RALGAPA1: variants seen among roughly 807,000 people sequenced by gnomAD.
The protein encoded by RALGAPA1 is Ral GTPase activating protein catalytic subunit alpha 1, also known as ral GTPase-activating protein subunit alpha-1.
In RALGAPA1, 52 loss-of-function variants were observed where a neutral mutation model predicts 269.6. That is an observed-to-expected ratio of 0.19 (90% confidence interval 0.15 to 0.24). RALGAPA1 has a LOEUF of 0.24. Among genes scored for constraint, RALGAPA1 ranks in the 10% least tolerant of loss-of-function variants. The pLI is 1.00. For missense variants in RALGAPA1, 1,917 were observed against 3,013.9 expected (o/e 0.64, Z 8.52); for synonymous variants, 817 against 1,008.3 (o/e 0.81, Z 3.60).
intron 39 of RALGAPA1, among the ~76,000 whole-genome samples, chr14:35,556,600 A>T (rs560654049): frequency 1.3e-5 from 2 of 152,150 alleles, no homozygotes; most frequent in Non-Finnish European, 2.9e-5. Flanking sequence ...TATATTCATG[A>T]AATTCTTTAG....
Position 35,655,023 on chromosome 14 carries a change from C to T in RALGAPA1, c.5497-546G>A, listed in dbSNP as rs868766462. On this transcript the variant is annotated intron_variant, in intron 29 of 41. Transcript: ENST00000680220. ...CTGAATCAGCAGTTTATATTATACACGCAGTTTATATTATATACCCATTTA... is the reference window on the plus strand; with the variant it reads ...CTGAATCAGCAGTTTATATTATACATGCAGTTTATATTATATACCCATTTA... Among the ~76,000 whole-genome samples, 8 of 152,088 alleles carry T rather than the reference C, an allele frequency of 5.3e-5. No homozygotes were observed. In the South Asian group the frequency reaches 1.2e-3, roughly 24 times the overall value.
intron 31 of RALGAPA1, among the ~76,000 whole-genome samples, chr14:35,648,645 T>C (rs1283426453): frequency 6.9e-6 from 1 of 144,192 alleles, no homozygotes; most frequent in Non-Finnish European, 1.5e-5. Flanking sequence ...CTACTAAAAA[T>C]ACAATAATTA....
At chr14:35,763,018 T>C (rs2073856746) in intron 4 of RALGAPA1, among the ~76,000 whole-genome samples, 2 of 152,276 alleles carry the variant, frequency 1.3e-5, no homozygotes, top group South Asian at 2.1e-4. Flanking sequence ...CAACAATCTA[T>C]TATAAATCTC....
At chr14:35,697,550 G>A (rs1010763337) in intron 17 of RALGAPA1, among the ~76,000 whole-genome samples, 2 of 151,838 alleles carry the variant, frequency 1.3e-5, no homozygotes, top group African/African-American at 2.4e-5. Flanking sequence ...GTTTCATCGC[G>A]TTAGCCAGGA....
At chr14:35,718,641 C>A (rs1276581845) in intron 16 of RALGAPA1, among the ~76,000 whole-genome samples, 2 of 151,504 alleles carry the variant, frequency 1.3e-5, no homozygotes, top group Non-Finnish European at 2.9e-5. Flanking sequence ...CATGGTGAAA[C>A]TCCGTGTCCA....
intron 13 of RALGAPA1, among the ~76,000 whole-genome samples, chr14:35,726,600 C>T (rs533261965): frequency 8.9e-4 from 136 of 152,138 alleles, no homozygotes; most frequent in African/African-American, 3.1e-3. Flanking sequence ...ACAGCCTGGG[C>T]AACAAGGCGA....
intron 35 of RALGAPA1, among the ~76,000 whole-genome samples, chr14:35,606,951 C>A (rs2059634741): frequency 6.6e-6 from 1 of 152,086 alleles, no homozygotes; most frequent in African/African-American, 2.4e-5. Flanking sequence ...AGCACATAGG[C>A]AAACTTTCAG....
At chr14:35,669,244 G>T (rs948506389) in intron 26 of RALGAPA1, among the ~76,000 whole-genome samples, 1 of 151,742 alleles carries the variant, frequency 6.6e-6, no homozygotes, top group East Asian at 1.9e-4. Context: ...AATCCTATAC[G>T]GCAGGTTATC....
At chr14:35,574,461 T>C (rs1246958561) in intron 37 of RALGAPA1, among the ~76,000 whole-genome samples, 1 of 152,224 alleles carries the variant, frequency 6.6e-6, no homozygotes, top group Non-Finnish European at 1.5e-5. Flanking sequence ...CACAGAACCA[T>C]GTACATAACA....
At chr14:35,564,467 C>G (rs2056538152) in intron 39 of RALGAPA1, 1 of 152,154 alleles carries the variant, frequency 6.6e-6, no homozygotes, top group Admixed American at 6.5e-5. Context: ...GGCTTTCCTA[C>G]TTTGCAACAG....
At chr14:35,780,426 T>C (rs2075351843) in intron 1 of RALGAPA1, among the ~76,000 whole-genome samples, 1 of 152,138 alleles carries the variant, frequency 6.6e-6, no homozygotes, top group Admixed American at 6.5e-5. Context: ...TACAGTCTTT[T>C]CAAATGCACA....
chr14:35,664,911 T>G, intron 26 of RALGAPA1, 144 bp from the exon 27 acceptor site: 1 of 680,928 alleles, frequency 1.5e-6, no homozygotes, highest in Non-Finnish European at 2.5e-6. Flanking sequence ...ACAAAAAGAT[T>G]TAAGTTTCCA....
chr14:35,563,667 C>T (rs1277688679), intron 39 of RALGAPA1, among the ~76,000 whole-genome samples: 1 of 152,134 alleles, frequency 6.6e-6, no homozygotes, highest in African/African-American at 2.4e-5. Flanking sequence ...CCAAAATACT[C>T]ATCATAAATT....
At chr14:35,594,117 C>A (rs923106131) in intron 37 of RALGAPA1, among the ~76,000 whole-genome samples, 1 of 151,952 alleles carries the variant, frequency 6.6e-6, no homozygotes, top group African/African-American at 2.4e-5. Flanking sequence ...TTACACCATA[C>A]ACAAAAATCA....
chr14:35,663,659 G>T (rs967594660), intron 27 of RALGAPA1, among the ~76,000 whole-genome samples: 4 of 147,898 alleles, frequency 2.7e-5, no homozygotes, highest in African/African-American at 5.0e-5. Context: ...GCGCAATCTC[G>T]GCTCACTGCA....
intron 7 of RALGAPA1, among the ~76,000 whole-genome samples, chr14:35,754,332 C>A (rs564935034): frequency 1.3e-5 from 2 of 152,232 alleles, no homozygotes; most frequent in East Asian, 1.9e-4. Flanking sequence ...AAACATACAT[C>A]TGACTAAGGA....
At chr14:35,598,271 C>T (rs2059044521) in intron 36 of RALGAPA1, among the ~76,000 whole-genome samples, 2 of 152,164 alleles carry the variant, frequency 1.3e-5, no homozygotes, top group South Asian at 4.2e-4. Context: ...TAATGTCCTT[C>T]TGGTCTCCAG....
chr14:35,587,038 T>C (rs2058341739), intron 37 of RALGAPA1, among the ~76,000 whole-genome samples: 1 of 152,232 alleles, frequency 6.6e-6, no homozygotes, highest in Non-Finnish European at 1.5e-5. Context: ...GAAGGAATGG[T>C]ACCAGCTCCT....
intron 19 of RALGAPA1, among the ~76,000 whole-genome samples, 160 bp downstream of exon 19, chr14:35,686,382 G>A (rs907558536): frequency 6.6e-6 from 1 of 152,024 alleles, no homozygotes; most frequent in African/African-American, 2.4e-5. Context: ...TTATAAAAAT[G>A]TAATTCAAAA....
Sources: allele counts gnomAD v4.1 joint callset (sites outside exome capture counted in the v4.1 genomes callset), GRCh38; gene constraint gnomAD v4.1.1; transcripts MANE v1.5; gene names NCBI Gene and HGNC (gene_info 2026-07-23, HGNC 2026-07-21).